The following ACTA2 variants were observed in gnomAD, a reference collection of about 807,000 sequenced individuals.
ACTA2 encodes the protein actin alpha 2, smooth muscle.
In ACTA2, 12 loss-of-function variants were observed where a neutral mutation model predicts 39.5. The ratio of observed to expected loss-of-function variants is 0.30; its 90% CI spans 0.19 to 0.49. The LOEUF (loss-of-function observed/expected upper bound fraction) is 0.49, where lower values mean the gene tolerates loss of function less well. ACTA2 is among the 20% of genes least tolerant of loss of function. The pLI, the probability that ACTA2 is intolerant of heterozygous loss-of-function variation, is 0.99. For missense variants in ACTA2, 236 were observed against 498.8 expected (o/e 0.47, Z 5.02); for synonymous variants, 158 against 180.6 (o/e 0.88, Z 1.00).
At chr10:88,972,751 C>T (rs1191193260) in intron 1 of ACTA2, among the ~76,000 whole-genome samples, 1 of 152,088 alleles carries the variant, frequency 6.6e-6, no homozygotes, top group East Asian at 1.9e-4. Flanking sequence ...TATTATAAGC[C>T]TCATACAATG....
chr10:88,955,972 C>T (rs542837357), upstream of ACTA2, among the ~76,000 whole-genome samples: 2 of 152,146 alleles, frequency 1.3e-5, no homozygotes, highest in East Asian at 1.9e-4. Flanking sequence ...AGATATGAGG[C>T]GTTAATAGGT....
rs960517972 is a variant in ACTA2, at chr10:88,982,645, T to C, written c.-24+8294A>G. On this transcript the variant is annotated intron_variant, in intron 1 of 4. Coordinates refer to the ACTA2 transcript ENST00000415557. The stretch of plus-strand genomic sequence containing the variant: ...TCACAGAAATAAAAGCTCAGTGTCT[T>C]TGAAAATGAACTAAGTTTTTTTTTC... Among the ~76,000 whole-genome samples the C allele has an allele frequency of 2.0e-5, 3 of 152,226 alleles. No homozygotes were observed. The South Asian group carries it at 6.2e-4, about 32-fold the overall frequency.
chr10:88,969,503 G>A (rs1168018425), intron 1 of ACTA2, among the ~76,000 whole-genome samples: 2 of 152,168 alleles, frequency 1.3e-5, no homozygotes, highest in Non-Finnish European at 2.9e-5. Flanking sequence ...AGAGCTTTAG[G>A]CTCCATCTGT....
rs769364282 is a variant in ACTA2 at position 88,935,372 on chromosome 10, AG to A, written c.991-7del. 6.2e-7 allele frequency: 1 copy of A among 1,613,502 alleles called. No individual in the cohort carries two copies. Among genetic ancestry groups the A allele is most frequent in the African/African-American group, 1.3e-5 (1 of 74,902 alleles). On this transcript the variant is annotated splice_region_variant and splice_polypyrimidine_tract_variant and intron_variant, in intron 8 of 8. Transcript: ENST00000224784. ...CGCTCCGGAGGGGCAATGATCTGTC[AG>A]TCAAGATGAAAAAGAATGGTCATTA... is the stretch of plus-strand genomic sequence containing the variant.
rs548302971 is a variant in ACTA2 at position 88,957,980 on chromosome 10, C to T, written c.-23-9027G>A. Among the ~76,000 whole-genome samples the T allele has an allele frequency of 2.0e-5, 3 of 152,130 alleles. No homozygotes were observed. The South Asian group carries it at 6.2e-4, about 32-fold the overall frequency. On this transcript the variant is annotated intron_variant, in intron 1 of 4. Coordinates refer to the ACTA2 transcript ENST00000415557. ...ACGGGGCTTTACCATCTTGGCCAGG[C>T]TGATCTCGAACTCCTGACCTCGTGA...
At chr10:88,942,436 C>A (rs961675208) in intron 4 of ACTA2, among the ~76,000 whole-genome samples, 3 of 152,194 alleles carry the variant, frequency 2.0e-5, no homozygotes, top group African/African-American at 7.2e-5. Context: ...ATCTATTCCA[C>A]TTTTTTATGT....
upstream of ACTA2, among the ~76,000 whole-genome samples, chr10:88,955,304 G>A (rs931568050): frequency 1.3e-5 from 2 of 152,222 alleles, no homozygotes; most frequent in African/African-American, 4.8e-5. Context: ...TAAGGAAAAT[G>A]ATTTTCTGCT....
intron 1 of ACTA2, among the ~76,000 whole-genome samples, chr10:88,965,864 A>G (rs1261419355): frequency 6.6e-6 from 1 of 152,168 alleles, no homozygotes; most frequent in African/African-American, 2.4e-5. Flanking sequence ...CTAACTTTTG[A>G]GAGAGCCCTG....
At chr10:88,972,517 C>T (rs1259734979) in intron 1 of ACTA2, among the ~76,000 whole-genome samples, 1 of 151,892 alleles carries the variant, frequency 6.6e-6, no homozygotes, top group African/African-American at 2.4e-5. Flanking sequence ...TTGTTGTTCT[C>T]TTTCTTCTCT....
At chr10:88,965,658 A>G (rs1846305925) in intron 1 of ACTA2, among the ~76,000 whole-genome samples, 1 of 127,914 alleles carries the variant, frequency 7.8e-6, no homozygotes, top group Non-Finnish European at 1.8e-5. Context: ...AGGTCAAGCC[A>G]TTATAATGCA....
At chr10:88,937,010 T>A (rs1375479555) in intron 8 of ACTA2, among the ~76,000 whole-genome samples, 1 of 152,152 alleles carries the variant, frequency 6.6e-6, no homozygotes. Context: ...CCTCATGAGA[T>A]CAACTCAGTA....
chr10:88,978,857 T>C (rs1203610632), intron 1 of ACTA2, among the ~76,000 whole-genome samples: 5 of 152,062 alleles, frequency 3.3e-5, no homozygotes, highest in Admixed American at 2.0e-4. Flanking sequence ...CAACCTTCCT[T>C]ATTCTTTCTG....
chr10:88,960,771 T>C (rs1846212823), intron 1 of ACTA2, among the ~76,000 whole-genome samples: 1 of 150,768 alleles, frequency 6.6e-6, no homozygotes, highest in South Asian at 2.1e-4. Flanking sequence ...GTTTACGGTG[T>C]AAAGGGTGAT....
chr10:88,991,043 G>A (rs1412270618), exon 1 of ACTA2: 1 of 1,189,010 alleles, frequency 8.4e-7, no homozygotes, highest in African/African-American at 1.5e-5. Flanking sequence ...GGGCTGCTGC[G>A]GGAGGCGTTG....
Position 88,946,916 on chromosome 10 carries a change from G to A in ACTA2, c.258+342C>T, listed in dbSNP as rs372874360. 2.3e-3 allele frequency: 261 copies of A among 112,816 alleles called. 2 individuals carry two copies. Among genetic ancestry groups the A allele is most frequent in the African/African-American group, 9.1e-3 (248 of 27,336 alleles). The allele number at this position is 112,816 out of a possible 1,614,324, so 7.0% of individuals were successfully genotyped here. On this transcript the variant is annotated intron_variant, in intron 3 of 8. Transcript: ENST00000224784. The stretch of plus-strand genomic sequence containing the variant: ...CTCCCCCCACCCCACAACAGTCCCC[G>A]GTGTGTGATGTTCCCCTTCCTGTGT...
At chr10:88,941,559 T>A (rs932999387) in intron 5 of ACTA2, among the ~76,000 whole-genome samples, 169 bp from the exon 6 acceptor site, 1 of 151,316 alleles carries the variant, frequency 6.6e-6, no homozygotes. Flanking sequence ...TCGGGGAAGA[T>A]GAAAAAAAGT....
chr10:88,958,015 C>T (rs569924022), intron 1 of ACTA2, among the ~76,000 whole-genome samples: 1 of 152,280 alleles, frequency 6.6e-6, no homozygotes, highest in East Asian at 1.9e-4. Context: ...ATCTGCCTGC[C>T]TCAGCCTCCC....
At chr10:88,972,625 T>G (rs983127766) in intron 1 of ACTA2, among the ~76,000 whole-genome samples, 5 of 152,176 alleles carry the variant, frequency 3.3e-5, no homozygotes, top group African/African-American at 1.2e-4. Context: ...TTTTACAAAG[T>G]TGCTCTAGGG....
At chr10:88,985,552 C>T (rs924209367) in intron 1 of ACTA2, among the ~76,000 whole-genome samples, 1 of 152,192 alleles carries the variant, frequency 6.6e-6, no homozygotes, top group Non-Finnish European at 1.5e-5. Flanking sequence ...CTCTGCAGGA[C>T]TCCCTGTAGT....
Sources: gnomAD v4.1 joint callset for allele counts (sites outside exome capture counted in the v4.1 genomes callset) on GRCh38, gnomAD v4.1.1 for gene constraint, MANE v1.5 for transcripts, NCBI Gene and HGNC (gene_info 2026-07-23, HGNC 2026-07-21) for gene names.